The following SMC1B variants were observed in gnomAD, a reference collection of about 807,000 sequenced individuals.
The protein encoded by SMC1B is structural maintenance of chromosomes protein 1B.
Under a neutral mutation model 157.9 loss-of-function variants are expected in SMC1B, and 60 were observed. The ratio of observed to expected loss-of-function variants is 0.38; its 90% confidence interval spans 0.31 to 0.47. SMC1B has a LOEUF of 0.47. Among genes scored for constraint, SMC1B ranks in the 20% least tolerant of loss-of-function variants. The probability of loss-of-function intolerance (pLI) is 0.99; values close to 1 mark genes in which losing one functional copy is unlikely to be tolerated. For missense variants in SMC1B, 1,165 were observed against 1,426.2 expected, an observed-to-expected ratio of 0.82 and a Z score of 2.95; for synonymous variants, 445 against 483.0, an observed-to-expected ratio of 0.92 and a Z score of 1.03.
At chr22:45,392,403 C>CTTT (rs889961231) in intron 9 of SMC1B, among the ~76,000 whole-genome samples, 1 of 142,594 alleles carries the variant, frequency 7.0e-6, no homozygotes, top group Admixed American at 7.1e-5. Context: ...TACTTCAATA[C>CTTT]TTTTTTTTTT....
intron 6 of SMC1B, 63 bp downstream of exon 6, chr22:45,399,032 T>C: frequency 3.3e-6 from 5 of 1,500,734 alleles, no homozygotes; most frequent in Non-Finnish European, 4.5e-6. Context: ...TTAAATTTTT[T>C]TCTAATTCAA....
At chr22:45,375,056 A>G (rs895953151) in intron 12 of SMC1B, among the ~76,000 whole-genome samples, 5 of 152,232 alleles carry the variant, frequency 3.3e-5, no homozygotes, top group Non-Finnish European at 1.5e-5. Context: ...AAAATCACTA[A>G]GCTAAAGGGA....
chr22:45,401,890 T>TC (rs888316973), intron 5 of SMC1B, among the ~76,000 whole-genome samples: 1 of 135,566 alleles, frequency 7.4e-6, no homozygotes. Context: ...CTACACCACC[T>TC]TTTTTTTTTT....
intron 11 of SMC1B, among the ~76,000 whole-genome samples, chr22:45,386,627 T>C (rs1232369336): frequency 6.6e-6 from 1 of 152,150 alleles, no homozygotes; most frequent in African/African-American, 2.4e-5. Context: ...TTAAAAGAAA[T>C]CTAATTTCCA....
At position 45,353,974 on chromosome 22, in the gene SMC1B, A is replaced by C. The variant is rs1569174491; in HGVS notation, c.3273+4T>G. 1 of 1,537,514 alleles carries C rather than the reference A, an allele frequency of 6.5e-7. No homozygotes were observed. The highest frequency in any genetic ancestry group is 2.5e-5 in the East Asian group (1 of 40,270). On this transcript the variant is annotated splice_donor_region_variant and intron_variant, in intron 21 of 24. Coordinates refer to ENST00000357450, the MANE Select transcript of SMC1B (RefSeq NM_148674.5). Reference sequence around the variant, plus strand: ...ACTAGTATTTGAGGATGAAAGATACATACTTGGGCGCTGTTGTTTCTGCAG... The same window carrying C: ...ACTAGTATTTGAGGATGAAAGATACCTACTTGGGCGCTGTTGTTTCTGCAG...
rs2086529386 is a variant in SMC1B at position 45,344,411 on chromosome 22, A to G, written c.*145T>C. The G allele has an allele frequency of 3.2e-5, 18 of 564,604 alleles. No homozygotes were observed. The South Asian group carries it at 5.3e-4, about 17-fold the overall frequency. The allele number at this position is 564,604 out of a possible 1,614,324, so 35.0% of individuals were successfully genotyped here. A position where few individuals can be genotyped will look rare whatever the true frequency, so the allele number is the denominator to read the frequency against. ...TGAACACTCAACTAAAGTGAGCCAC[A>G]GCCTCTTTGGCTAGAACGACTAAGG... is the stretch of plus-strand genomic sequence containing the variant. On this transcript the variant is annotated 3_prime_UTR_variant, in exon 25 of 25. Coordinates refer to ENST00000357450, the MANE Select transcript of SMC1B (RefSeq NM_148674.5).
rs182740163 is a variant in SMC1B, at chr22:45,408,367, C to T, written c.298+343G>A. On this transcript the variant is annotated intron_variant, in intron 2 of 24. Transcript: ENST00000357450. ...GTCTCAATCACCTGACCTCGTGATC[C>T]GCCCGCCTCGGCCTCCCAAAGTGCT... Among the ~76,000 whole-genome samples the T allele has an allele frequency of 2.0e-3, 301 of 152,138 alleles. 1 individual carries two copies. Among genetic ancestry groups the T allele is most frequent in the African/African-American group, 6.8e-3 (283 of 41,504 alleles).
At chr22:45,397,545 T>G (rs2087139368) in intron 6 of SMC1B, among the ~76,000 whole-genome samples, 2 of 152,124 alleles carry the variant, frequency 1.3e-5, no homozygotes, top group South Asian at 4.1e-4. Context: ...TAGCTACAAG[T>G]GCTGGGTAAA....
At chr22:45,355,302 G>C (rs1039240430) in intron 19 of SMC1B, among the ~76,000 whole-genome samples, 187 bp from the exon 20 acceptor site, 6 of 152,158 alleles carry the variant, frequency 3.9e-5, no homozygotes, top group African/African-American at 2.4e-5. Flanking sequence ...AGTCGGCAGT[G>C]CTCTTTTCTT....
chr22:45,348,898 C>T (rs1280741199), intron 23 of SMC1B, among the ~76,000 whole-genome samples: 1 of 151,788 alleles, frequency 6.6e-6, no homozygotes, highest in Admixed American at 6.6e-5. Context: ...GGGACAAGGT[C>T]TCCTTATGTT....
chr22:45,358,954 C>T (rs1030722073), intron 18 of SMC1B, among the ~76,000 whole-genome samples, 159 bp from the exon 19 acceptor site: 9 of 151,998 alleles, frequency 5.9e-5, no homozygotes, highest in South Asian at 2.1e-4. Context: ...TGAAAGATTT[C>T]GAGAATTATC....
At chr22:45,405,985 G>C (rs1404930782) in intron 4 of SMC1B, among the ~76,000 whole-genome samples, 1 of 152,128 alleles carries the variant, frequency 6.6e-6, no homozygotes, top group Non-Finnish European at 1.5e-5. Flanking sequence ...GGAAAATACA[G>C]TTATCTTTCA....
At chr22:45,382,210 G>T (rs1355591947) in intron 12 of SMC1B, among the ~76,000 whole-genome samples, 1 of 152,086 alleles carries the variant, frequency 6.6e-6, no homozygotes. Flanking sequence ...AGTTATAAAA[G>T]ATTAAATTTG....
intron 15 of SMC1B, among the ~76,000 whole-genome samples, chr22:45,365,381 C>T (rs1344898689): frequency 6.6e-6 from 1 of 152,080 alleles, no homozygotes; most frequent in Admixed American, 6.6e-5. Context: ...GAGGATTTAG[C>T]AAAGTTACTA....
intron 7 of SMC1B, 119 bp downstream of exon 7, chr22:45,396,215 CAAATCATGAAAT>C: frequency 1.3e-6 from 1 of 756,938 alleles, no homozygotes; most frequent in Non-Finnish European, 2.0e-6. Context: ...CTTCATCTGC[CAAATCATGAAAT>C]AAATGAAATG....
At chr22:45,359,590 C>T (rs1219715139) in intron 18 of SMC1B, among the ~76,000 whole-genome samples, 1 of 152,216 alleles carries the variant, frequency 6.6e-6, no homozygotes, top group Non-Finnish European at 1.5e-5. Flanking sequence ...CTTTAATTCT[C>T]TGATTTCTCT....
intron 19 of SMC1B, among the ~76,000 whole-genome samples, chr22:45,357,085 AG>A (rs2086677744): frequency 6.6e-6 from 1 of 152,270 alleles, no homozygotes; most frequent in African/African-American, 2.4e-5. Flanking sequence ...AAGGAAAGGC[AG>A]TTTTTTGCAT....
At chr22:45,377,401 G>C (rs546963010) in intron 12 of SMC1B, among the ~76,000 whole-genome samples, 5 of 152,138 alleles carry the variant, frequency 3.3e-5, no homozygotes, top group African/African-American at 1.2e-4. Context: ...CACTTTGGGA[G>C]GCCAAGGCAG....
In SMC1B at chr22:45,413,358, C is replaced by T; in HGVS notation, c.109+101G>A. On this transcript the variant is annotated intron_variant, in intron 1 of 24. Coordinates refer to ENST00000357450, the MANE Select transcript of SMC1B (RefSeq NM_148674.5). ...TCCGGGACTGGAAGGGGAAGGCCGG[C>T]CAGGCGCCCGCGGCAGACGCCCACA... is the stretch of plus-strand genomic sequence containing the variant. The T allele has an allele frequency of 4.3e-6, 4 of 921,270 alleles. No individual in the cohort carries two copies. In the South Asian group the frequency reaches 6.9e-5, roughly 16 times the overall value. The allele number at this position is 921,270 out of a possible 1,614,324, so 57.1% of individuals were successfully genotyped here. A position where few individuals can be genotyped will look rare whatever the true frequency, so the allele number is the denominator to read the frequency against.
Sources: gnomAD v4.1 joint callset for allele counts (sites outside exome capture counted in the v4.1 genomes callset) on GRCh38, gnomAD v4.1.1 for gene constraint, MANE v1.5 for transcripts, NCBI Gene and HGNC (gene_info 2026-07-23, HGNC 2026-07-21) for gene names.